The following SPMAP2L variants were observed in gnomAD, a reference collection of about 807,000 sequenced individuals.
SPMAP2L encodes sperm microtubule associated protein 2 like.
the SPMAP2L span, among the ~76,000 whole-genome samples, chr4:56,545,849 A>G: frequency 1.7e-3 from 266 of 152,126 alleles, no homozygotes; most frequent in South Asian, 5.0e-3. Flanking sequence ...CTGGAGTGCA[A>G]TGGCATGATC....
At chr4:56,544,795 T>C in the SPMAP2L span, among the ~76,000 whole-genome samples, 1 of 152,182 alleles carries the variant, frequency 6.6e-6, no homozygotes. Flanking sequence ...AGGGAGACTG[T>C]GGAGCAGTTC....
At chr4:56,596,639 A>G in the SPMAP2L span, 1 of 1,509,046 alleles carries the variant, frequency 6.6e-7, no homozygotes, top group East Asian at 2.5e-5. Flanking sequence ...CCTGTAAGCC[A>G]TCGCTACCTT....
chr4:56,595,170 C>T, the SPMAP2L span: 1 of 1,611,490 alleles, frequency 6.2e-7, no homozygotes, highest in Non-Finnish European at 8.5e-7. Flanking sequence ...TAAATGCCAA[C>T]TACATGGCCA....
At chr4:56,546,029 G>C in the SPMAP2L span, among the ~76,000 whole-genome samples, 1 of 152,082 alleles carries the variant, frequency 6.6e-6, no homozygotes. Flanking sequence ...CCTGACCTCA[G>C]GTGATCTACC....
chr4:56,530,627 C>A, the SPMAP2L span: 3 of 1,505,946 alleles, frequency 2.0e-6, no homozygotes, highest in African/African-American at 4.2e-5. Context: ...TGCGCCTGGG[C>A]AACCAGTCGG....
the SPMAP2L span, among the ~76,000 whole-genome samples, chr4:56,540,872 A>C: frequency 6.6e-6 from 1 of 151,998 alleles, no homozygotes; most frequent in Non-Finnish European, 1.5e-5. Context: ...GGATGTGTCA[A>C]CTCCTCCCTA....
chr4:56,530,694 T>C, the SPMAP2L span: 1 of 1,534,900 alleles, frequency 6.5e-7, no homozygotes, highest in Non-Finnish European at 8.7e-7. Context: ...ACCAAGAGTT[T>C]CTAAGTTCAT....
chr4:56,549,399 C>G, the SPMAP2L span, among the ~76,000 whole-genome samples: 2 of 152,274 alleles, frequency 1.3e-5, no homozygotes, highest in Admixed American at 1.3e-4. Context: ...AATCTTGAAT[C>G]ACAGATTTTG....
At chr4:56,614,908 C>T in the SPMAP2L span, among the ~76,000 whole-genome samples, 1 of 152,126 alleles carries the variant, frequency 6.6e-6, no homozygotes, top group South Asian at 2.1e-4. Context: ...AGAAAAGGTA[C>T]CTTATTAATC....
At chr4:56,585,404 T>C in the SPMAP2L span, among the ~76,000 whole-genome samples, 1 of 152,170 alleles carries the variant, frequency 6.6e-6, no homozygotes, top group Admixed American at 6.5e-5. Context: ...TGGAATGCAG[T>C]CATGTGATCA....
the SPMAP2L span, among the ~76,000 whole-genome samples, chr4:56,557,074 C>A: frequency 2.0e-5 from 3 of 151,482 alleles, no homozygotes; most frequent in African/African-American, 7.3e-5. Flanking sequence ...CGTAGTGAAA[C>A]CCCGTCTCTA....
chr4:56,592,976 A>G, the SPMAP2L span: 7 of 1,604,622 alleles, frequency 4.4e-6, no homozygotes, highest in Non-Finnish European at 6.0e-6. Flanking sequence ...ACCCTTGAAA[A>G]TGGAAGACCC....
At chr4:56,546,957 T>C in the SPMAP2L span, among the ~76,000 whole-genome samples, 1 of 152,212 alleles carries the variant, frequency 6.6e-6, no homozygotes, top group African/African-American at 2.4e-5. Context: ...CTTTTTTTTG[T>C]TTAAATTCAT....
chr4:56,561,647 C>G, the SPMAP2L span, among the ~76,000 whole-genome samples: 2 of 152,132 alleles, frequency 1.3e-5, no homozygotes, highest in Non-Finnish European at 2.9e-5. Flanking sequence ...CCAAGCCATT[C>G]ATGAAGGATC....
At chr4:56,595,831 T>C in the SPMAP2L span, 8 of 744,320 alleles carry the variant, frequency 1.1e-5, no homozygotes, top group South Asian at 1.2e-4. Flanking sequence ...TTTTATATAC[T>C]GTGTATATCT....
At chr4:56,548,699 C>A in the SPMAP2L span, 1 of 874,768 alleles carries the variant, frequency 1.1e-6, no homozygotes, top group Non-Finnish European at 1.6e-6. Flanking sequence ...TTTTTTCTAA[C>A]TCCTTTCTCT....
chr4:56,599,588 G>C, the SPMAP2L span, among the ~76,000 whole-genome samples: 11 of 151,984 alleles, frequency 7.2e-5, no homozygotes, highest in African/African-American at 2.7e-4. Context: ...GGTGTGTGTT[G>C]TTCCCCTCTC....
At chr4:56,577,211 C>G in the SPMAP2L span, among the ~76,000 whole-genome samples, 1 of 151,498 alleles carries the variant, frequency 6.6e-6, no homozygotes, top group South Asian at 2.1e-4. Flanking sequence ...TTGAGACCAG[C>G]CTGGCCAACA....
At chr4:56,594,267 A>T in the SPMAP2L span, 5 of 1,575,030 alleles carry the variant, frequency 3.2e-6, no homozygotes, top group South Asian at 4.4e-5. Context: ...ATTGTCCGGT[A>T]TATGAAGAAA....
Sources: gnomAD v4.1 joint callset for allele counts (sites outside exome capture counted in the v4.1 genomes callset) on GRCh38, gnomAD v4.1.1 for gene constraint, MANE v1.5 for transcripts, NCBI Gene and HGNC (gene_info 2026-07-23, HGNC 2026-07-21) for gene names.